The following MLKL variants were observed in gnomAD, a reference collection of about 807,000 sequenced individuals.
MLKL encodes mixed lineage kinase domain like pseudokinase, also known as mixed lineage kinase domain-like protein.
Under a neutral mutation model 56.5 loss-of-function variants are expected in MLKL, and 55 were observed. The observed-to-expected ratio is 0.97, with a 90% confidence interval of 0.78 to 1.22. The LOEUF is 1.22. MLKL is among the 50% of genes most tolerant of loss of function. MLKL has a pLI of 0.00. For synonymous variants in MLKL, 251 were observed against 208.3 expected, an observed-to-expected ratio of 1.20 and a Z score of -1.76; for missense variants, 694 against 573.9, an observed-to-expected ratio of 1.21 and a Z score of -2.14.
intron 1 of MLKL, among the ~76,000 whole-genome samples, chr16:74,696,297 G>T (rs1961037627): frequency 1.3e-5 from 2 of 152,176 alleles, no homozygotes; most frequent in South Asian, 4.1e-4. Flanking sequence ...GTTTATATCA[G>T]TTTCGTCTAT....
At chr16:74,683,007 ATTCTACC>A (rs1403588272) in intron 5 of MLKL, among the ~76,000 whole-genome samples, 8 of 151,892 alleles carry the variant, frequency 5.3e-5, no homozygotes, top group Admixed American at 3.3e-4. Flanking sequence ...GCTTGTCGTA[ATTCTACC>A]TTAAAAAAAA....
At position 74,672,429 on chromosome 16, in the gene MLKL, T is replaced by TGA. The variant is rs150865800; in HGVS notation, c.*73_*74dup. 11 of 1,365,388 alleles carry TGA rather than the reference T, an allele frequency of 8.1e-6. No individual in the cohort carries two copies. The highest frequency in any genetic ancestry group is 3.6e-5 in the South Asian group (3 of 84,472). The allele number at this position is 1,365,388 out of a possible 1,614,324, so 84.6% of individuals were successfully genotyped here. ...ATAGATAACCCAATGCCGAAGGATA[T>TGA]GAGAGAGAGAGATGTCCAGTTTGTG... On this transcript the variant is annotated 3_prime_UTR_variant, in exon 11 of 11. Transcript: ENST00000308807.
At chr16:74,686,267 T>C (rs1960320219) in intron 4 of MLKL, among the ~76,000 whole-genome samples, 1 of 151,940 alleles carries the variant, frequency 6.6e-6, no homozygotes, top group Non-Finnish European at 1.5e-5. Context: ...CAGCCCGTGG[T>C]GTGTGTCTTT....
intron 9 of MLKL, 86 bp downstream of exon 9, chr16:74,675,269 C>T (rs1280821228): frequency 1.0e-5 from 16 of 1,592,748 alleles, no homozygotes; most frequent in African/African-American, 8.1e-5. Context: ...AACAAATTGC[C>T]AGGGGCAGCA....
intron 10 of MLKL, 132 bp downstream of exon 10, chr16:74,674,828 C>T: frequency 9.2e-7 from 1 of 1,086,974 alleles, no homozygotes; most frequent in South Asian, 1.6e-5. Context: ...ATGTTTCAGA[C>T]ATCACTAAAT....
chr16:74,688,581 G>A (rs1266142261), intron 4 of MLKL, among the ~76,000 whole-genome samples: 1 of 152,006 alleles, frequency 6.6e-6, no homozygotes, highest in African/African-American at 2.4e-5. Flanking sequence ...GGGCCTGGTG[G>A]TGCATGCCTG....
intron 9 of MLKL, 103 bp downstream of exon 9, chr16:74,675,252 A>C (rs1428387507): frequency 6.3e-7 from 1 of 1,582,636 alleles, no homozygotes; most frequent in African/African-American, 1.4e-5. Flanking sequence ...CAGTTCCCAC[A>C]TTAAACAACA....
Position 74,672,487 on chromosome 16 carries a change from G to A in MLKL, c.*17C>T, listed in dbSNP as rs76652394. 22,499 of 1,611,086 alleles carry A rather than the reference G, an allele frequency of 0.014. 192 individuals carry two copies. The highest frequency in any genetic ancestry group is 0.021 in the South Asian group (1,889 of 91,002). On this transcript the variant is annotated 3_prime_UTR_variant, in exon 11 of 11. Transcript: ENST00000308807. Reference sequence around the variant, plus strand: ...CAGCTTCTTGTCCAGAGACTCCTTGGTTTAGATTTTGATACACTACTTAGA... The same window carrying A: ...CAGCTTCTTGTCCAGAGACTCCTTGATTTAGATTTTGATACACTACTTAGA...
At chr16:74,673,500 G>A (rs1959365323) in intron 10 of MLKL, among the ~76,000 whole-genome samples, 1 of 152,142 alleles carries the variant, frequency 6.6e-6, no homozygotes, top group African/African-American at 2.4e-5. Context: ...TTACAGGTGT[G>A]AGCCACTGCA....
At chr16:74,694,930 T>C (rs1360727817) in intron 2 of MLKL, among the ~76,000 whole-genome samples, 2 of 152,204 alleles carry the variant, frequency 1.3e-5, no homozygotes, top group Admixed American at 6.5e-5. Flanking sequence ...TGGAGTGCAG[T>C]GGCGCGATCT....
chr16:74,680,751 C>T (rs113213273), intron 6 of MLKL, among the ~76,000 whole-genome samples: 8,022 of 152,174 alleles, frequency 0.053, 235 homozygotes, highest in Non-Finnish European at 0.064. Context: ...GTGATCTGTC[C>T]GCCTCAGCCT....
chr16:74,685,602 G>T lies in MLKL; in HGVS notation c.723-19C>A, dbSNP rs767712206. 2 of 1,594,316 alleles carry T rather than the reference G, an allele frequency of 1.3e-6. No individual in the cohort carries two copies. Among genetic ancestry groups the T allele is most frequent in the East Asian group, 2.2e-5 (1 of 44,778 alleles). ...CACTATTCTATAAGGATTAAAGAGA[G>T]AAATCAGGATTTCAGAACTGGAAGG... On this transcript the variant is annotated intron_variant, in intron 4 of 10. Coordinates refer to ENST00000308807, the MANE Select transcript of MLKL (RefSeq NM_152649.4).
chr16:74,680,213 TA>T (rs1229949698), intron 6 of MLKL, among the ~76,000 whole-genome samples: 2 of 152,108 alleles, frequency 1.3e-5, no homozygotes, highest in Non-Finnish European at 2.9e-5. Flanking sequence ...GGGGGATGGG[TA>T]AATAGAGCTG....
chr16:74,687,676 TCA>T (rs1960413575), intron 4 of MLKL, among the ~76,000 whole-genome samples: 1 of 152,036 alleles, frequency 6.6e-6, no homozygotes, highest in African/African-American at 2.4e-5. Context: ...AGTTGATTTT[TCA>T]CAGTTTTTTT....
Position 74,695,499 on chromosome 16 carries a change from T to C in MLKL, c.259A>G (p.Arg87Gly). 1 of 1,613,438 alleles carries C rather than the reference T, an allele frequency of 6.2e-7. No individual in the cohort carries two copies. The highest frequency in any genetic ancestry group is 1.1e-5 in the South Asian group (1 of 91,050). ...TTGTCCTGGCTTGCTGTTAGAAACC[T>C]GCAGATATTGGATCTATTGCTGAAC... ...EKFSNRSNICRFLTASQDKIL... is the reference protein window; with the variant it reads ...EKFSNRSNICGFLTASQDKIL... The change falls in exon 2 of 11, where the codon AGG becomes GGG. Residue 87 changes from arginine (R) to glycine (G), a missense_variant. Physicochemically the swap from Arg to Gly is moderately radical, Grantham distance 125 (BLOSUM62 -2). Coordinates refer to ENST00000308807, the MANE Select transcript of MLKL (RefSeq NM_152649.4).
chr16:74,676,022 T>C, intron 7 of MLKL: 1 of 466,470 alleles, frequency 2.1e-6, no homozygotes, highest in Non-Finnish European at 3.7e-6. Flanking sequence ...TTACTTGAGA[T>C]AATGGTTATA....
rs1959283702 is a variant in MLKL, at chr16:74,672,405, T to C, written c.*99A>G. On this transcript the variant is annotated 3_prime_UTR_variant, in exon 11 of 11. Transcript: ENST00000308807. Reference sequence around the variant, plus strand: ...GAAGCGTGCCCACTCCTTGCACCCATAGATAACCCAATGCCGAAGGATATG... The same window carrying C: ...GAAGCGTGCCCACTCCTTGCACCCACAGATAACCCAATGCCGAAGGATATG... 8.6e-7 allele frequency: 1 copy of C among 1,157,726 alleles called. No homozygotes were observed. The highest frequency in any genetic ancestry group is 1.3e-6 in the Non-Finnish European group (1 of 780,434). The allele number at this position is 1,157,726 out of a possible 1,614,324, so 71.7% of individuals were successfully genotyped here. A position where few individuals can be genotyped will look rare whatever the true frequency, so the allele number is the denominator to read the frequency against.
At chr16:74,679,478 G>A (rs1376294411) in intron 6 of MLKL, among the ~76,000 whole-genome samples, 1 of 152,146 alleles carries the variant, frequency 6.6e-6, no homozygotes. Flanking sequence ...AGCAGATCAT[G>A]AGCCATGATT....
chr16:74,691,277 GC>G lies in MLKL; in HGVS notation c.721del (p.Ala241GlnfsTer2), dbSNP rs1567615104. 1 of 1,608,726 alleles carries G rather than the reference GC, an allele frequency of 6.2e-7. No homozygotes were observed. On this transcript the variant is annotated frameshift_variant and splice_region_variant, in exon 4 of 11. Coordinates refer to ENST00000308807, the MANE Select transcript of MLKL (RefSeq NM_152649.4). LOFTEE classifies it high-confidence loss of function. ...GAGAGAACCACACAAAACAACTTAC[GC>G]AATGCTGCCAGCCTGGAGTTTTTTG... ...VFKKLQAGSI[A>X]IVRQTFNKEI...
Sources: allele counts gnomAD v4.1 joint callset (sites outside exome capture counted in the v4.1 genomes callset), GRCh38; gene constraint gnomAD v4.1.1; transcripts MANE v1.5; gene names NCBI Gene and HGNC (gene_info 2026-07-23, HGNC 2026-07-21).